TBC1D22A: variants seen among roughly 807,000 people sequenced by gnomAD.
TBC1D22A encodes putative GTPase activator.
TBC1D22A carries 38 observed loss-of-function variants against 60.2 expected under a neutral mutation model. The ratio of observed to expected loss-of-function variants is 0.63; its 90% CI spans 0.49 to 0.83. The LOEUF (loss-of-function observed/expected upper bound fraction) is 0.83. TBC1D22A is among the 40% of genes least tolerant of loss of function. The pLI is 0.00. For missense variants in TBC1D22A, 628 were observed against 701.0 expected, an observed-to-expected ratio of 0.90 and a Z score of 1.18; for synonymous variants, 302 against 281.7, an observed-to-expected ratio of 1.07 and a Z score of -0.72.
At chr22:46,845,187 A>G (rs1273177438) in intron 4 of TBC1D22A, among the ~76,000 whole-genome samples, 1 of 152,232 alleles carries the variant, frequency 6.6e-6, no homozygotes, top group Non-Finnish European at 1.5e-5. Context: ...TTGTTAATCA[A>G]TTGTTTTAGG....
At chr22:46,856,724 A>T (rs1317520870) in intron 4 of TBC1D22A, among the ~76,000 whole-genome samples, 1 of 152,178 alleles carries the variant, frequency 6.6e-6, no homozygotes, top group Non-Finnish European at 1.5e-5. Flanking sequence ...TTTCCCTTAA[A>T]CATTTTGGGT....
At chr22:46,886,152 G>A (rs1163619862) in intron 5 of TBC1D22A, among the ~76,000 whole-genome samples, 1 of 152,128 alleles carries the variant, frequency 6.6e-6, no homozygotes, top group East Asian at 1.9e-4. Flanking sequence ...GCCCGCCTCT[G>A]CCTCCCAAAG....
intron 3 of TBC1D22A, 82 bp from the exon 4 acceptor site, chr22:46,797,362 A>C: frequency 6.6e-7 from 1 of 1,523,472 alleles, no homozygotes; most frequent in South Asian, 1.2e-5. Context: ...CAGCATTCAC[A>C]AAGGGACAGT....
At chr22:46,897,654 T>G (rs1232120520) in intron 7 of TBC1D22A, among the ~76,000 whole-genome samples, 131 of 33,356 alleles carry the variant, frequency 3.9e-3, no homozygotes, top group Middle Eastern at 0.091. Flanking sequence ...TTTTTTGTGT[T>G]TTTTTTTTTT....
At chr22:47,011,330 G>A (rs992000837) in intron 10 of TBC1D22A, among the ~76,000 whole-genome samples, 1 of 152,118 alleles carries the variant, frequency 6.6e-6, no homozygotes, top group African/African-American at 2.4e-5. Context: ...TCCACTCCCC[G>A]CGCTTCCTCC....
chr22:46,814,768 C>T (rs1194860098), intron 4 of TBC1D22A, among the ~76,000 whole-genome samples: 1 of 151,790 alleles, frequency 6.6e-6, no homozygotes. Context: ...TGCATCAGCT[C>T]CCGAGTAGCT....
At chr22:46,907,522 C>G (rs2072793391) in intron 7 of TBC1D22A, among the ~76,000 whole-genome samples, 1 of 152,208 alleles carries the variant, frequency 6.6e-6, no homozygotes, top group Non-Finnish European at 1.5e-5. Flanking sequence ...TGGCACAAAA[C>G]CTGGAGAAGG....
intron 12 of TBC1D22A, among the ~76,000 whole-genome samples, chr22:47,121,427 T>C (rs534575837): frequency 6.6e-6 from 1 of 152,362 alleles, no homozygotes; most frequent in Non-Finnish European, 1.5e-5. Flanking sequence ...TACAGTTACC[T>C]AAGTTATGGT....
chr22:47,059,828 G>A (rs2063509993), intron 11 of TBC1D22A, among the ~76,000 whole-genome samples: 1 of 152,200 alleles, frequency 6.6e-6, no homozygotes, highest in Non-Finnish European at 1.5e-5. Flanking sequence ...ACTAAAGATG[G>A]TTTTGGAAGA....
chr22:47,007,213 G>A (rs1372873707), intron 10 of TBC1D22A, among the ~76,000 whole-genome samples: 4 of 152,204 alleles, frequency 2.6e-5, no homozygotes, highest in Non-Finnish European at 5.9e-5. Flanking sequence ...GTTCCTCCTG[G>A]TTTGGGGCCA....
At chr22:47,065,888 G>A (rs1466685891) in intron 11 of TBC1D22A, among the ~76,000 whole-genome samples, 1 of 152,164 alleles carries the variant, frequency 6.6e-6, no homozygotes, top group Non-Finnish European at 1.5e-5. Context: ...CGGGAGAAAT[G>A]CAGTGTCCCC....
At chr22:46,907,564 A>T (rs2069577860) in intron 7 of TBC1D22A, among the ~76,000 whole-genome samples, 1 of 152,224 alleles carries the variant, frequency 6.6e-6, no homozygotes, top group Admixed American at 6.5e-5. Context: ...GCAGGGCATC[A>T]GGGAGCAGCT....
At chr22:46,815,418 TC>T (rs2085554150) in intron 4 of TBC1D22A, among the ~76,000 whole-genome samples, 1 of 152,176 alleles carries the variant, frequency 6.6e-6, no homozygotes, top group African/African-American at 2.4e-5. Context: ...GGGCACAGAG[TC>T]CTTTATTTGG....
intron 7 of TBC1D22A, among the ~76,000 whole-genome samples, chr22:46,908,807 T>C (rs1437753372): frequency 6.6e-6 from 1 of 152,138 alleles, no homozygotes; most frequent in African/African-American, 2.4e-5. Flanking sequence ...AACTGAAGGC[T>C]TAGCCACCTC....
chr22:46,899,000 C>T (rs551248871), intron 7 of TBC1D22A, among the ~76,000 whole-genome samples: 55 of 152,274 alleles, frequency 3.6e-4, no homozygotes, highest in African/African-American at 1.2e-3. Context: ...TTCAGCAAGG[C>T]TTGGCAGAGT....
chr22:46,836,422 G>T (rs2086523508), intron 4 of TBC1D22A, among the ~76,000 whole-genome samples: 1 of 152,058 alleles, frequency 6.6e-6, no homozygotes, highest in Non-Finnish European at 1.5e-5. Flanking sequence ...TTAGCACTAT[G>T]CATTTTGTAA....
intron 9 of TBC1D22A, among the ~76,000 whole-genome samples, chr22:46,992,912 C>G (rs973011793): frequency 1.3e-5 from 2 of 151,990 alleles, no homozygotes. Context: ...GAAAAGACTT[C>G]CCGAGGTGTT....
chr22:47,093,173 G>A (rs1320301771), intron 11 of TBC1D22A, among the ~76,000 whole-genome samples: 5 of 152,178 alleles, frequency 3.3e-5, no homozygotes, highest in Non-Finnish European at 5.9e-5. Flanking sequence ...GGAGATAGGC[G>A]TGTGCAGGCG....
chr22:47,010,935 T>C (rs2061736051), intron 10 of TBC1D22A, among the ~76,000 whole-genome samples: 1 of 152,216 alleles, frequency 6.6e-6, no homozygotes, highest in African/African-American at 2.4e-5. Flanking sequence ...GACTCTGGCC[T>C]TGGGCTGCTG....
Sources: gnomAD v4.1 joint callset for allele counts (sites outside exome capture counted in the v4.1 genomes callset) on GRCh38, gnomAD v4.1.1 for gene constraint, MANE v1.5 for transcripts, NCBI Gene and HGNC (gene_info 2026-07-23, HGNC 2026-07-21) for gene names.